Variants in PRX observed in about 807,000 individuals in gnomAD.
PRX encodes periaxin.
A neutral mutation model predicts 29.6 loss-of-function variants in PRX; 24 were observed. The observed-to-expected ratio is 0.81, with a 90% CI of 0.59 to 1.14. The LOEUF is 1.14. PRX is among the 50% of genes most tolerant of loss of function. The probability of loss-of-function intolerance (pLI) is 0.00; values close to 1 mark genes in which losing one functional copy is unlikely to be tolerated. For synonymous variants in PRX, 772 were observed against 831.7 expected, an observed-to-expected ratio of 0.93 and a Z score of 1.24; for missense variants, 1,838 against 1,926.4, an observed-to-expected ratio of 0.95 and a Z score of 0.86.
At chr19:40,404,482 A>G (rs2079519392) in intron 4 of PRX, among the ~76,000 whole-genome samples, 1 of 151,954 alleles carries the variant, frequency 6.6e-6, no homozygotes, top group South Asian at 2.1e-4. Flanking sequence ...AGGAAGAGCC[A>G]AATGGGGTAT....
chr19:40,393,837 G>C lies in PRX; in HGVS notation c.*129C>G. 2.8e-6 allele frequency: 4 copies of C among 1,419,580 alleles called. No homozygotes were observed. The South Asian group carries it at 4.8e-5, about 17-fold the overall frequency. 87.9% of individuals were successfully genotyped at this position (1,419,580 alleles called of 1,614,324 possible). ...ACTCCTGCCAGAGAGACAGGAGCAG[G>C]CCTCCCTGCCAGCCCTGGTCAGTCA... On this transcript the variant is annotated 3_prime_UTR_variant, in exon 7 of 7. Coordinates refer to ENST00000324001, the MANE Select transcript of PRX (RefSeq NM_181882.3).
At chr19:40,412,221 G>A (rs1021030623) in intron 1 of PRX, among the ~76,000 whole-genome samples, 11 of 152,112 alleles carry the variant, frequency 7.2e-5, no homozygotes, top group Non-Finnish European at 1.0e-4. Context: ...TCAGGGGTTG[G>A]GCTGACTCAT....
In PRX at chr19:40,395,488, G is replaced by T; in HGVS notation, c.2864C>A (p.Thr955Asn). ...KAEAEGAGRA[T>N]KLKVSKFAIS... is the part of the protein sequence containing the mutation. The stretch of plus-strand genomic sequence containing the variant: ...GGCAAATTTGGATACCTTCAGCTTG[G>T]TAGCTCGCCCAGCCCCCTCAGCCTC... The change falls in exon 7 of 7, where the codon ACC becomes AAC. Residue 955 changes from threonine to asparagine, a missense_variant. Thr to Asn is a moderately conservative substitution (Grantham distance 65). Around this residue, in one of 3 missense-constraint regions of PRX, gnomAD observed 1,143 missense variants for 1,193.0 expected, o/e 0.96. Coordinates refer to ENST00000324001, the MANE Select transcript of PRX (RefSeq NM_181882.3). 6.2e-7 allele frequency: 1 copy of T among 1,613,844 alleles called. No homozygotes were observed. Among genetic ancestry groups the T allele is most frequent in the Non-Finnish European group, 8.5e-7 (1 of 1,179,950 alleles).
Position 40,395,126 on chromosome 19 carries a change from C to A in PRX, c.3226G>T (p.Val1076Phe). Reference protein sequence around the residue: ...FGLARGKEAEVQGDRASPGEK... With the variant: ...FGLARGKEAEFQGDRASPGEK... ...CCCGGGCTGGCACGATCACCTTGAA[C>A]TTCTGCTTCCTTCCCTCGAGCCAGC... Residue 1076 changes from valine (V) to phenylalanine (F), a missense_variant, in exon 7 of 7, where the codon GTT becomes TTT. Coordinates refer to ENST00000324001, the MANE Select transcript of PRX (RefSeq NM_181882.3). 1 of 1,614,138 alleles carries A rather than the reference C, an allele frequency of 6.2e-7. No individual in the cohort carries two copies.
At position 40,394,466 on chromosome 19, in the gene PRX, C is replaced by T. The variant is rs769014032; in HGVS notation, c.3886G>A (p.Gly1296Arg). ...AGCTTGTGTCCGGCCTCTCCCTCCC[C>T]CTCTGCCACCTGGTACTCGGCATGG... The part of the protein sequence containing the change: ...GNHAEYQVAE[G>R]EGEAGHKLKV... Residue 1296 changes from glycine (G) to arginine (R), a missense_variant, in exon 7 of 7, where the codon GGG (glycine) becomes AGG (arginine). Physicochemically the swap from Gly to Arg is moderately radical, Grantham distance 125. Coordinates refer to ENST00000324001, the MANE Select transcript of PRX (RefSeq NM_181882.3). The surrounding 1 kb of genome is among the most constrained non-coding windows in gnomAD (Gnocchi z 5.8). 4 of 1,601,300 alleles carry T rather than the reference C, an allele frequency of 2.5e-6. No individual in the cohort carries two copies. The highest frequency in any genetic ancestry group is 2.3e-5 in the East Asian group (1 of 43,988).
rs2145733480 is a variant in PRX, at chr19:40,398,197, C to T, written c.382-227G>A. On this transcript the variant is annotated intron_variant, in intron 6 of 6. Coordinates refer to ENST00000324001, the MANE Select transcript of PRX (RefSeq NM_181882.3). This position sits in a 1 kb window ranked among gnomAD's most constrained non-coding sequence, Gnocchi z 6.3. ...GTCAACAGGAGTGTAGGGACGGGGA[C>T]CCAAGACTTCTAGATCCTGATCCGG... 2 of 1,419,684 alleles carry T rather than the reference C, an allele frequency of 1.4e-6. No individual in the cohort carries two copies. Among genetic ancestry groups the T allele is most frequent in the East Asian group, 5.1e-5 (2 of 39,040 alleles). 87.9% of individuals were successfully genotyped at this position (1,419,684 alleles called of 1,614,324 possible).
In PRX at chr19:40,395,792, G is replaced by A. The variant is rs772208597; in HGVS notation, c.2560C>T (p.Leu854=). 1 of 1,614,200 alleles carries A rather than the reference G, an allele frequency of 6.2e-7. No homozygotes were observed. Among genetic ancestry groups the A allele is most frequent in the South Asian group, 1.1e-5 (1 of 91,086 alleles). The change falls in exon 7 of 7, where the codon CTG becomes TTG. Residue 854 remains leucine (L), a synonymous_variant. Transcript: ENST00000324001. ...EAHVGVPSLT[L]PSVELDLPGA... is the part of the protein sequence containing the mutation. ...GGCAGGTCTAGCTCCACTGAAGGCAGAGTGAGAGAGGGGACACCCACATGA... is the reference window on the plus strand; with the variant it reads ...GGCAGGTCTAGCTCCACTGAAGGCAAAGTGAGAGAGGGGACACCCACATGA...
At chr19:40,413,131 G>A (rs2079566377) in intron 1 of PRX, among the ~76,000 whole-genome samples, 1 of 152,178 alleles carries the variant, frequency 6.6e-6, no homozygotes. Context: ...AGGCACAAAG[G>A]ATGAAGTATC....
At chr19:40,403,579 T>C (rs1300435399) in intron 5 of PRX, 127 bp downstream of exon 5, 4 of 1,232,400 alleles carry the variant, frequency 3.2e-6, no homozygotes, top group Non-Finnish European at 4.4e-6. Context: ...CCCCAAGCCC[T>C]TAACCCCTCC....
In PRX at chr19:40,405,626, CTTTTTTTTTTTTTTTTT is replaced by C. The variant is rs1167458782; in HGVS notation, c.28-1781_28-1765del. Among the ~76,000 whole-genome samples the C allele has an allele frequency of 3.5e-4, 26 of 74,434 alleles. No homozygotes were observed. In the Admixed American group the frequency reaches 3.7e-3, roughly 11 times the overall value. The allele number at this position is 74,434 out of a possible 152,430, so 48.8% of individuals were successfully genotyped here. Reference sequence around the variant, plus strand: ...GCTCAGCATTTTATGTGCAGAATCTCTTTTTTTTTTTTTTTTTTTTTTTTTTTTTTGAGGCGGAGTCT... The same window carrying C: ...GCTCAGCATTTTATGTGCAGAATCTCTTTTTTTTTTTTTGAGGCGGAGTCT... On this transcript the variant is annotated intron_variant, in intron 4 of 6. Coordinates refer to ENST00000324001, the MANE Select transcript of PRX (RefSeq NM_181882.3).
rs2079450569 is a variant in PRX at position 40,397,385 on chromosome 19, C to T, written c.967G>A (p.Val323Met). The change falls in exon 7 of 7, where the codon GTG (valine) becomes ATG (methionine). Residue 323 changes from valine to methionine, a missense_variant. Val to Met is a conservative substitution (Grantham distance 21). This residue lies in a region of PRX where 666 missense variants were observed against 665.0 expected (regional missense o/e 1.00). Coordinates refer to ENST00000324001, the MANE Select transcript of PRX (RefSeq NM_181882.3). The part of the protein sequence containing the change: ...ETREGAVSVV[V>M]PTLDVAAPTV... ...GGTGCTGCCACATCCAGGGTGGGCACCACTACCGACACAGCCCCTTCCCGG... is the reference window on the plus strand; with the variant it reads ...GGTGCTGCCACATCCAGGGTGGGCATCACTACCGACACAGCCCCTTCCCGG... 6.2e-7 allele frequency: 1 copy of T among 1,612,484 alleles called. No individual in the cohort carries two copies. Among genetic ancestry groups the T allele is most frequent in the African/African-American group, 1.3e-5 (1 of 74,914 alleles).
At chr19:40,407,847 C>T in intron 4 of PRX, 59 bp downstream of exon 4, 2 of 1,608,568 alleles carry the variant, frequency 1.2e-6, no homozygotes, top group Middle Eastern at 3.3e-4. Flanking sequence ...TCCTTGCTGC[C>T]CTAGTCTGTG....
In PRX at chr19:40,403,724, T is replaced by A; in HGVS notation, c.166A>T (p.Ser56Cys). 2 of 1,562,986 alleles carry A rather than the reference T, an allele frequency of 1.3e-6. No homozygotes were observed. The highest frequency in any genetic ancestry group is 1.7e-6 in the Non-Finnish European group (2 of 1,154,580). ...ELREDSPAAR[S>C]LSLQEGDQLL... ...CGCCCACCTTCCTGCAGGCTGAGGCTCCTGGCGGCGGGTGAGTCCTCGCGC... is the reference window on the plus strand; with the variant it reads ...CGCCCACCTTCCTGCAGGCTGAGGCACCTGGCGGCGGGTGAGTCCTCGCGC... Residue 56 changes from serine (S) to cysteine (C), a missense_variant, in exon 5 of 7, where the codon AGC (serine) becomes TGC (cysteine). By Grantham distance (112) the Ser-to-Cys change is moderately radical. Transcript: ENST00000324001.
chr19:40,395,535 C>T lies in PRX; in HGVS notation c.2817G>A (p.Ser939=), dbSNP rs112544351. The part of the protein sequence containing the change: ...SKFSLPKFGL[S]GPKVAKAEAE... ...CCTCTGCCTTAGCCACCTTTGGCCC[C>T]GAGAGTCCAAACTTAGGTAAGGAGA... Residue 939 remains serine, a synonymous_variant, in exon 7 of 7, where the codon TCG becomes TCA. Coordinates refer to ENST00000324001, the MANE Select transcript of PRX (RefSeq NM_181882.3). 139 of 1,614,210 alleles carry T rather than the reference C, an allele frequency of 8.6e-5. No homozygotes were observed. In the African/African-American group the frequency reaches 1.5e-3, roughly 18 times the overall value.
intron 1 of PRX, among the ~76,000 whole-genome samples, chr19:40,412,561 T>C (rs2079563349): frequency 6.6e-6 from 1 of 152,156 alleles, no homozygotes; most frequent in Admixed American, 6.5e-5. Context: ...CAACCTTTGC[T>C]CCTCAGTGGC....
At position 40,396,788 on chromosome 19, in the gene PRX, G is replaced by A; in HGVS notation, c.1564C>T (p.Leu522=). Residue 522 remains leucine, a synonymous_variant, in exon 7 of 7, where the codon CTG becomes TTG. Transcript: ENST00000324001. ...AGTTTCATCTCCGACACTTTCAGCAGCTGTACCTCTGGAAGCCGCACCTCC... is the reference window on the plus strand; with the variant it reads ...AGTTTCATCTCCGACACTTTCAGCAACTGTACCTCTGGAAGCCGCACCTCC... ...VPEVRLPEVQ[L]LKVSEMKLPK... 1 of 1,613,782 alleles carries A rather than the reference G, an allele frequency of 6.2e-7. No homozygotes were observed. The highest frequency in any genetic ancestry group is 1.1e-5 in the South Asian group (1 of 90,930).
rs568618329 is a variant in PRX at position 40,397,490 on chromosome 19, C to G, written c.862G>C (p.Val288Leu). 5.1e-6 allele frequency: 8 copies of G among 1,560,328 alleles called. No individual in the cohort carries two copies. Among genetic ancestry groups the G allele is most frequent in the Non-Finnish European group, 6.9e-6 (8 of 1,154,648 alleles). The change falls in exon 7 of 7, where the codon GTG becomes CTG. Residue 288 changes from valine to leucine, a missense_variant. By Grantham distance (32) the Val-to-Leu change is conservative (BLOSUM62 1). This residue lies in a region of PRX where 666 missense variants were observed against 665.0 expected (regional missense o/e 1.00). Coordinates refer to ENST00000324001, the MANE Select transcript of PRX (RefSeq NM_181882.3). ...TCCACCTGGGGGACCTGGATTCCCACGGCTGGGGCCTCCACAGCAGGCGGA... is the reference window on the plus strand; with the variant it reads ...TCCACCTGGGGGACCTGGATTCCCAGGGCTGGGGCCTCCACAGCAGGCGGA... ...PAPPAVEAPA[V>L]GIQVPQVELP...
Position 40,396,961 on chromosome 19 carries a change from C to T in PRX, c.1391G>A (p.Arg464Gln), listed in dbSNP as rs553211374. ...CTTGGGGAGCTCCACCTCTGGGAGT[C>T]GAACCTCTGGAAGGGCTGCCTCGGG... Reference protein sequence around the residue: ...KVPEAALPEVRLPEVELPKVS... With the variant: ...KVPEAALPEVQLPEVELPKVS... The change falls in exon 7 of 7, where the codon CGA becomes CAA. Residue 464 changes from arginine to glutamine, a missense_variant. Around this residue, in one of 3 missense-constraint regions of PRX, gnomAD observed 666 missense variants for 665.0 expected, o/e 1.00. Transcript: ENST00000324001. 1.8e-5 allele frequency: 29 copies of T among 1,614,098 alleles called. No homozygotes were observed. In the Admixed American group the frequency reaches 1.8e-4, roughly 10 times the overall value.
intron 4 of PRX, among the ~76,000 whole-genome samples, chr19:40,406,899 G>C (rs187485950): frequency 6.7e-6 from 1 of 149,920 alleles, no homozygotes; most frequent in African/African-American, 2.5e-5. Flanking sequence ...TCAGCCTCCC[G>C]AGTAGCTGGG....
Sources: allele counts gnomAD v4.1 joint callset (sites outside exome capture counted in the v4.1 genomes callset), GRCh38; gene constraint gnomAD v4.1.1; regional missense constraint gnomAD v4.1.1; non-coding constraint Gnocchi (gnomAD v3.1); transcripts MANE v1.5; gene names NCBI Gene and HGNC (gene_info 2026-07-23, HGNC 2026-07-21).